IZUMO2: variants seen among roughly 807,000 people sequenced by gnomAD.
IZUMO2 encodes izumo sperm-egg fusion protein 2.
A neutral mutation model predicts 31.2 loss-of-function variants in IZUMO2; 24 were observed. That is an observed-to-expected ratio of 0.77 (90% CI 0.56 to 1.08). The LOEUF (loss-of-function observed/expected upper bound fraction) is 1.08. Ranked by LOEUF, IZUMO2 falls within the 50% of genes least tolerant of loss-of-function variation. The pLI is 0.00. For synonymous variants in IZUMO2, 144 were observed against 117.3 expected (o/e 1.23, Z -1.47); for missense variants, 278 against 274.0 (o/e 1.01, Z -0.10).
chr19:50,162,690 G>T (rs1403878187), intron 2 of IZUMO2, 49 bp downstream of exon 2: 1 of 1,448,050 alleles, frequency 6.9e-7, no homozygotes, highest in South Asian at 1.1e-5. Context: ...GGGGCAGACC[G>T]GCGGAAAGAA....
chr19:50,160,991 C>T (rs1415959470), intron 2 of IZUMO2, among the ~76,000 whole-genome samples: 1 of 152,174 alleles, frequency 6.6e-6, no homozygotes, highest in Non-Finnish European at 1.5e-5. Flanking sequence ...AAGTCCAAAA[C>T]TGAACCCTCG....
Position 50,154,264 on chromosome 19 carries a change from GTTTTTTTTTTTTTT to G in IZUMO2, c.623+322_623+335del, listed in dbSNP as rs71180675. Among the ~76,000 whole-genome samples the G allele has an allele frequency of 4.3e-3, 341 of 79,264 alleles. 2 individuals carry two copies. Among genetic ancestry groups the G allele is most frequent in the African/African-American group, 0.015 (324 of 21,590 alleles). 52.0% of individuals were successfully genotyped at this position (79,264 alleles called of 152,430 possible). On this transcript the variant is annotated intron_variant, in intron 6 of 6. Coordinates refer to ENST00000293405, the MANE Select transcript of IZUMO2 (RefSeq NM_152358.3). ...GCATCCACCAAATATAACTTTTAGCGTTTTTTTTTTTTTTTTTTTTTTTTTTTTTTTTTAATGTA... is the reference window on the plus strand; with the variant it reads ...GCATCCACCAAATATAACTTTTAGCGTTTTTTTTTTTTTTTTTTTAATGTA...
At chr19:50,154,263 C>CG (rs2030128880) in intron 6 of IZUMO2, among the ~76,000 whole-genome samples, 8 of 40,628 alleles carry the variant, frequency 2.0e-4, no homozygotes, top group Non-Finnish European at 3.3e-4. Flanking sequence ...TAACTTTTAG[C>CG]GTTTTTTTTT....
At position 50,153,219 on chromosome 19, in the gene IZUMO2, C is replaced by T. The variant is rs79519066; in HGVS notation, c.624-568G>A. Among the ~76,000 whole-genome samples, 832 of 152,260 alleles carry T rather than the reference C, an allele frequency of 5.5e-3. 4 individuals carry two copies. Among genetic ancestry groups the T allele is most frequent in the African/African-American group, 0.018 (756 of 41,534 alleles). On this transcript the variant is annotated intron_variant, in intron 6 of 6. Transcript: ENST00000293405. ...GGGATTAGAAGGGAGCTAAGGAATG[C>T]CAGCAGCCACCAGCAGCTAGGACAC...
At chr19:50,162,481 G>A (rs1298147479) in intron 2 of IZUMO2, among the ~76,000 whole-genome samples, 9 of 152,130 alleles carry the variant, frequency 5.9e-5, no homozygotes, top group Admixed American at 1.3e-4. Flanking sequence ...CAGGTGTGGT[G>A]GCACATGCCT....
At chr19:50,161,126 CTTTTTT>C (rs398040395) in intron 2 of IZUMO2, among the ~76,000 whole-genome samples, 15 of 139,678 alleles carry the variant, frequency 1.1e-4, no homozygotes, top group African/African-American at 3.7e-4. Flanking sequence ...TTTCCTTTTT[CTTTTTT>C]TTTTTTTTTG....
Position 50,154,738 on chromosome 19 carries a change from G to C in IZUMO2, c.497-12C>G, listed in dbSNP as rs1156926205. On this transcript the variant is annotated splice_polypyrimidine_tract_variant and intron_variant, in intron 5 of 6. Coordinates refer to ENST00000293405, the MANE Select transcript of IZUMO2 (RefSeq NM_152358.3). ...GGGTTGCCGGTCGACTGGGGCGGGT[G>C]GGGAAACAGCCCCGACCTCCACGTC... 21 of 1,612,950 alleles carry C rather than the reference G, an allele frequency of 1.3e-5. No homozygotes were observed. Among genetic ancestry groups the C allele is most frequent in the Non-Finnish European group, 1.8e-5 (21 of 1,179,658 alleles).
In IZUMO2 at chr19:50,154,718, G is replaced by A; in HGVS notation, c.505C>T (p.Gln169Ter). Residue 169 changes from glutamine to a stop codon, truncating the protein, a stop_gained, in exon 6 of 7, where the codon CAA (glutamine) becomes TAA (stop). Coordinates refer to ENST00000293405, the MANE Select transcript of IZUMO2 (RefSeq NM_152358.3). LOFTEE classifies it high-confidence loss of function. The stretch of plus-strand genomic sequence containing the variant: ...TGGTACTGCAGGGCCACGCGGGGTT[G>A]CCGGTCGACTGGGGCGGGTGGGGAA... Reference protein sequence around the residue: ...IHKKYCFVDRQPRVALQYQMD... With the variant: ...IHKKYCFVDR 1 of 1,613,802 alleles carries A rather than the reference G, an allele frequency of 6.2e-7. No individual in the cohort carries two copies.
Position 50,154,654 on chromosome 19 carries a change from C to G in IZUMO2, c.569G>C (p.Gly190Ala), listed in dbSNP as rs759327679. Reference sequence around the variant, plus strand: ...AGCCAGAGACACAGAAATGAGGATGCCCAACAGCGCCTGGTTCCTCGGGTA... The same window carrying G: ...AGCCAGAGACACAGAAATGAGGATGGCCAACAGCGCCTGGTTCCTCGGGTA... Reference protein sequence around the residue: ...SKYPRNQALLGILISVSLAVF... With the variant: ...SKYPRNQALLAILISVSLAVF... Residue 190 changes from glycine to alanine, a missense_variant, in exon 6 of 7, where the codon GGC becomes GCC. Coordinates refer to ENST00000293405, the MANE Select transcript of IZUMO2 (RefSeq NM_152358.3). 1.2e-6 allele frequency: 2 copies of G among 1,613,818 alleles called. No homozygotes were observed. The highest frequency in any genetic ancestry group is 2.7e-5 in the African/African-American group (2 of 74,862).
At chr19:50,159,773 G>A (rs981052306) in intron 2 of IZUMO2, among the ~76,000 whole-genome samples, 193 bp from the exon 3 acceptor site, 2 of 152,108 alleles carry the variant, frequency 1.3e-5, no homozygotes, top group African/African-American at 4.8e-5. Context: ...ATTCACCGTG[G>A]GGCCTAGGCA....
Position 50,163,252 on chromosome 19 carries a change from G to A in IZUMO2, c.-58C>T. On this transcript the variant is annotated 5_prime_UTR_variant, in exon 1 of 7. Coordinates refer to ENST00000293405, the MANE Select transcript of IZUMO2 (RefSeq NM_152358.3). ...CGGCCCGCCCCGCCTCCCAGGCGAG[G>A]GCGCGGTCAGGAGGCCCAGGGAGCA... 1 of 1,357,764 alleles carries A rather than the reference G, an allele frequency of 7.4e-7. No individual in the cohort carries two copies. Among genetic ancestry groups the A allele is most frequent in the Non-Finnish European group, 1.0e-6 (1 of 984,742 alleles). The allele number at this position is 1,357,764 out of a possible 1,614,324, so 84.1% of individuals were successfully genotyped here.
chr19:50,158,897 C>T (rs761649459), intron 4 of IZUMO2, among the ~76,000 whole-genome samples: 12 of 152,140 alleles, frequency 7.9e-5, no homozygotes, highest in Admixed American at 3.3e-4. Context: ...GCCTGGATCC[C>T]TGAGTCACCA....
At chr19:50,153,494 G>A (rs772858580) in intron 6 of IZUMO2, among the ~76,000 whole-genome samples, 4 of 152,128 alleles carry the variant, frequency 2.6e-5, no homozygotes, top group Non-Finnish European at 4.4e-5. Flanking sequence ...CTCCCCATGC[G>A]CTAAGTGTTA....
In IZUMO2 at chr19:50,163,255, G is replaced by C; in HGVS notation, c.-61C>G. 1 of 1,282,770 alleles carries C rather than the reference G, an allele frequency of 7.8e-7. No homozygotes were observed. Among genetic ancestry groups the C allele is most frequent in the East Asian group, 2.5e-5 (1 of 39,672 alleles). 79.5% of individuals were successfully genotyped at this position (1,282,770 alleles called of 1,614,324 possible). ...CCCGCCCCGCCTCCCAGGCGAGGGCGCGGTCAGGAGGCCCAGGGAGCATCA... is the reference window on the plus strand; with the variant it reads ...CCCGCCCCGCCTCCCAGGCGAGGGCCCGGTCAGGAGGCCCAGGGAGCATCA... On this transcript the variant is annotated 5_prime_UTR_variant, in exon 1 of 7. Coordinates refer to ENST00000293405, the MANE Select transcript of IZUMO2 (RefSeq NM_152358.3).
intron 5 of IZUMO2, among the ~76,000 whole-genome samples, chr19:50,157,417 C>T (rs375490286): frequency 2.0e-5 from 3 of 151,426 alleles, no homozygotes; most frequent in African/African-American, 7.3e-5. Context: ...ATTCTCCTGC[C>T]CCAGCCTCCT....
At chr19:50,162,602 G>C in intron 2 of IZUMO2, 137 bp downstream of exon 2, 1 of 699,362 alleles carries the variant, frequency 1.4e-6, no homozygotes, top group Non-Finnish European at 2.4e-6. Flanking sequence ...GCGACAGTGA[G>C]GCTCTGTCTC....
Position 50,163,281 on chromosome 19 carries a change from C to T in IZUMO2, c.-87G>A, listed in dbSNP as rs1453623414. 2 of 951,332 alleles carry T rather than the reference C, an allele frequency of 2.1e-6. No homozygotes were observed. Among genetic ancestry groups the T allele is most frequent in the Non-Finnish European group, 3.2e-6 (2 of 621,886 alleles). The allele number at this position is 951,332 out of a possible 1,614,324, so 58.9% of individuals were successfully genotyped here. On this transcript the variant is annotated 5_prime_UTR_variant, in exon 1 of 7. The change creates a new upstream start codon in the 5' untranslated region. Transcript: ENST00000293405. ...CGGTCAGGAGGCCCAGGGAGCATCA[C>T]GGTGTTACAGGCACGTGTTCGCTGA...
chr19:50,157,165 CCTGT>C (rs1320139593), intron 5 of IZUMO2, among the ~76,000 whole-genome samples: 1 of 151,992 alleles, frequency 6.6e-6, no homozygotes, highest in Non-Finnish European at 1.5e-5. Context: ...ATCAGAGAGG[CCTGT>C]CTGAGGAAGT....
At chr19:50,154,820 G>A (rs2030162460) in intron 5 of IZUMO2, 94 bp from the exon 6 acceptor site, 2 of 1,381,156 alleles carry the variant, frequency 1.4e-6, no homozygotes, top group Non-Finnish European at 2.0e-6. Flanking sequence ...GCCTGGGGCA[G>A]GGGTGGGGGT....
Sources: allele counts gnomAD v4.1 joint callset (sites outside exome capture counted in the v4.1 genomes callset), GRCh38; gene constraint gnomAD v4.1.1; transcripts MANE v1.5; gene names NCBI Gene and HGNC (gene_info 2026-07-23, HGNC 2026-07-21).